CDC42BPA: variants seen among roughly 807,000 people sequenced by gnomAD.
The protein encoded by CDC42BPA is CDC42 binding protein kinase alpha.
In CDC42BPA, 80 loss-of-function variants were observed where a neutral mutation model predicts 223.5. The ratio of observed to expected loss-of-function variants is 0.36; its 90% CI spans 0.30 to 0.43. The LOEUF is 0.43. CDC42BPA is among the 20% of genes least tolerant of loss of function. The pLI, the probability that CDC42BPA is intolerant of heterozygous loss-of-function variation, is 1.00. For synonymous variants in CDC42BPA, 694 were observed against 718.6 expected (o/e 0.97, Z 0.55); for missense variants, 1,743 against 2,099.9 (o/e 0.83, Z 3.32).
At chr1:227,056,249 T>A (rs1461062732) in intron 21 of CDC42BPA, among the ~76,000 whole-genome samples, 1 of 152,170 alleles carries the variant, frequency 6.6e-6, no homozygotes, top group Non-Finnish European at 1.5e-5. Flanking sequence ...TAAGAAACCT[T>A]GCTTCAAAGT....
chr1:227,060,716 ACTTTTT>A (rs973209981), intron 21 of CDC42BPA, among the ~76,000 whole-genome samples: 3 of 126,526 alleles, frequency 2.4e-5, no homozygotes, highest in Non-Finnish European at 4.9e-5. Flanking sequence ...GTAAATAGGT[ACTTTTT>A]TTTTTTTTTT....
chr1:227,085,384 A>G (rs1488761247), intron 16 of CDC42BPA, among the ~76,000 whole-genome samples: 3 of 152,248 alleles, frequency 2.0e-5, no homozygotes, highest in Admixed American at 6.5e-5. Context: ...GCCATTTAAA[A>G]ATGTAAAGAT....
At chr1:227,036,421 CTTTTTTTTTTT>C (rs56254464) in intron 24 of CDC42BPA, among the ~76,000 whole-genome samples, 786 of 71,268 alleles carry the variant, frequency 0.011, 10 homozygotes, top group African/African-American at 0.041. Flanking sequence ...CTTCAATTCA[CTTTTTTTTTTT>C]TTTTTTTTTT....
At chr1:227,026,991 C>T (rs1024923170) in intron 30 of CDC42BPA, among the ~76,000 whole-genome samples, 5 of 152,152 alleles carry the variant, frequency 3.3e-5, no homozygotes, top group Admixed American at 2.6e-4. Context: ...CAGGTTCTCG[C>T]TATGTTGCCC....
chr1:227,186,601 G>A (rs7535010), intron 5 of CDC42BPA, among the ~76,000 whole-genome samples: 14,142 of 152,062 alleles, frequency 0.093, 842 homozygotes, highest in Middle Eastern at 0.17. Flanking sequence ...TAAAGATTGG[G>A]ACCTAATCAT....
chr1:227,229,419 G>A (rs1028101918), intron 2 of CDC42BPA, among the ~76,000 whole-genome samples: 9 of 152,110 alleles, frequency 5.9e-5, no homozygotes, highest in African/African-American at 2.2e-4. Context: ...TTGCTTTGTA[G>A]TAAGTTTTGA....
At chr1:227,061,665 G>C (rs1293470984) in intron 21 of CDC42BPA, among the ~76,000 whole-genome samples, 1 of 152,152 alleles carries the variant, frequency 6.6e-6, no homozygotes, top group Non-Finnish European at 1.5e-5. Flanking sequence ...CCATCACACT[G>C]ACCATTCCCC....
chr1:227,112,635 T>C, intron 13 of CDC42BPA, 36 bp downstream of exon 13: 1 of 1,587,884 alleles, frequency 6.3e-7, no homozygotes, highest in Non-Finnish European at 8.6e-7. Context: ...TTAATCACTA[T>C]CCCATGGGCA....
intron 1 of CDC42BPA, among the ~76,000 whole-genome samples, chr1:227,287,594 C>T (rs115639758): frequency 0.011 from 1,740 of 152,106 alleles, 37 homozygotes; most frequent in African/African-American, 0.04. Flanking sequence ...TACTTAATAC[C>T]TTGTTGAATC....
At chr1:227,125,772 A>G (rs1168401277) in intron 11 of CDC42BPA, among the ~76,000 whole-genome samples, 1 of 151,932 alleles carries the variant, frequency 6.6e-6, no homozygotes, top group Non-Finnish European at 1.5e-5. Flanking sequence ...TGTATTTTCA[A>G]TCTCTATTTG....
At chr1:227,018,393 G>T (rs1251477523) in intron 32 of CDC42BPA, among the ~76,000 whole-genome samples, 2 of 152,184 alleles carry the variant, frequency 1.3e-5, no homozygotes, top group Non-Finnish European at 2.9e-5. Context: ...CACAGAAAAA[G>T]AAAGGACCTC....
chr1:227,271,864 G>A (rs567571278), intron 1 of CDC42BPA, among the ~76,000 whole-genome samples: 1 of 152,184 alleles, frequency 6.6e-6, no homozygotes, highest in Admixed American at 6.5e-5. Flanking sequence ...AGCATCCTCA[G>A]TTATCACACC....
At chr1:227,016,044 C>T (rs774535546) in intron 34 of CDC42BPA, 36 bp downstream of exon 34, 1 of 1,093,350 alleles carries the variant, frequency 9.1e-7, no homozygotes, top group Admixed American at 1.8e-5. Context: ...CCCCCCACAC[C>T]CGCCCTTTTT....
intron 1 of CDC42BPA, among the ~76,000 whole-genome samples, chr1:227,275,209 C>G (rs1428116056): frequency 7.2e-6 from 1 of 138,206 alleles, no homozygotes; most frequent in Non-Finnish European, 1.6e-5. Context: ...AGACATAACT[C>G]TAAACAATTC....
At chr1:227,123,192 C>T (rs558227713) in intron 11 of CDC42BPA, among the ~76,000 whole-genome samples, 2 of 152,080 alleles carry the variant, frequency 1.3e-5, no homozygotes, top group East Asian at 1.9e-4. Flanking sequence ...CTCAGCTACT[C>T]GAGAAGGGCT....
At chr1:227,017,139 T>C (rs1666441320) in intron 32 of CDC42BPA, 89 bp from the exon 33 acceptor site, 7 of 1,203,248 alleles carry the variant, frequency 5.8e-6, no homozygotes, top group Non-Finnish European at 6.9e-6. Flanking sequence ...GTACAAACAT[T>C]GATAGTACAA....
intron 35 of CDC42BPA, among the ~76,000 whole-genome samples, chr1:226,995,918 C>A (rs1036547595): frequency 6.6e-6 from 1 of 152,128 alleles, no homozygotes; most frequent in Non-Finnish European, 1.5e-5. Context: ...CAACTTTTTG[C>A]GGGTTTAACA....
At chr1:227,230,990 AT>A (rs1246708128) in intron 2 of CDC42BPA, among the ~76,000 whole-genome samples, 2 of 150,220 alleles carry the variant, frequency 1.3e-5, no homozygotes, top group African/African-American at 4.9e-5. Context: ...CTAGCTAATA[AT>A]TTTTTTTATT....
At chr1:227,066,127 A>C (rs1250528456) in intron 21 of CDC42BPA, among the ~76,000 whole-genome samples, 1 of 152,214 alleles carries the variant, frequency 6.6e-6, no homozygotes, top group Non-Finnish European at 1.5e-5. Context: ...GTGGTGGCTC[A>C]CGCCTGTAAT....
Sources: gnomAD v4.1 joint callset for allele counts (sites outside exome capture counted in the v4.1 genomes callset) on GRCh38, gnomAD v4.1.1 for gene constraint, MANE v1.5 for transcripts, NCBI Gene and HGNC (gene_info 2026-07-23, HGNC 2026-07-21) for gene names.